The following TEX26 variants were observed in gnomAD, a reference collection of about 807,000 sequenced individuals.
TEX26 encodes testis-expressed protein 26.
TEX26 carries 34 observed loss-of-function variants against 35.3 expected under a neutral mutation model. That is an observed-to-expected ratio of 0.96 (90% CI 0.73 to 1.28). The LOEUF (loss-of-function observed/expected upper bound fraction) is 1.28. TEX26 is among the 50% of genes most tolerant of loss of function. The pLI is 0.00. For missense variants in TEX26, 371 were observed against 330.1 expected (o/e 1.12, Z -0.96); for synonymous variants, 136 against 111.8 (o/e 1.22, Z -1.36).
chr13:30,946,754 A>T (rs543363674), intron 2 of TEX26, among the ~76,000 whole-genome samples: 1 of 152,020 alleles, frequency 6.6e-6, no homozygotes, highest in Non-Finnish European at 1.5e-5. Context: ...TGGCTTTGTC[A>T]AATGTCAACA....
intron 2 of TEX26, among the ~76,000 whole-genome samples, chr13:30,941,429 A>C (rs1342677402): frequency 6.6e-6 from 1 of 152,226 alleles, no homozygotes; most frequent in Non-Finnish European, 1.5e-5. Flanking sequence ...TAGGGAGTCT[A>C]GGTCAGTGAT....
At chr13:30,934,647 A>G (rs1056328922) in intron 1 of TEX26, among the ~76,000 whole-genome samples, 3 of 152,188 alleles carry the variant, frequency 2.0e-5, no homozygotes, top group African/African-American at 7.2e-5. Context: ...TGCTGCCATC[A>G]TGCTGGCTGC....
intron 4 of TEX26, 33 bp downstream of exon 4, chr13:30,957,062 T>G: frequency 6.2e-7 from 1 of 1,601,550 alleles, no homozygotes; most frequent in Non-Finnish European, 8.5e-7. Context: ...TTTTCCTGGG[T>G]CATGTGGTAG....
At chr13:30,974,151 T>C (rs1190281134) in intron 6 of TEX26, among the ~76,000 whole-genome samples, 2 of 141,472 alleles carry the variant, frequency 1.4e-5, no homozygotes, top group African/African-American at 5.2e-5. Context: ...TATATATATA[T>C]ATATAATTAG....
chr13:30,970,140 T>G (rs1359496788), intron 6 of TEX26, among the ~76,000 whole-genome samples: 1 of 150,868 alleles, frequency 6.6e-6, no homozygotes, highest in Non-Finnish European at 1.5e-5. Context: ...CCTACTGTAG[T>G]CAAGGCTGAC....
At chr13:30,945,104 AT>A (rs1953654813) in intron 2 of TEX26, among the ~76,000 whole-genome samples, 1 of 151,758 alleles carries the variant, frequency 6.6e-6, no homozygotes, top group Non-Finnish European at 1.5e-5. Context: ...AGTAGTAAAT[AT>A]TTTATGAATC....
In TEX26 at chr13:30,967,267, C is replaced by T. The variant is rs116917911; in HGVS notation, c.646+869C>T. On this transcript the variant is annotated intron_variant, in intron 5 of 6. Transcript: ENST00000380473. ...TGAGACAATAATCACAGAATTGATGCTTAGCACCTTGGGGTTAGAAGGTGG... is the reference window on the plus strand; with the variant it reads ...TGAGACAATAATCACAGAATTGATGTTTAGCACCTTGGGGTTAGAAGGTGG... Among the ~76,000 whole-genome samples, 131 of 152,284 alleles carry T rather than the reference C, an allele frequency of 8.6e-4. 1 individual carries two copies. In the East Asian group the frequency reaches 0.024, roughly 28 times the overall value.
chr13:30,975,134 A>C lies in TEX26; in HGVS notation c.*227A>C. 1 of 325,052 alleles carries C rather than the reference A, an allele frequency of 3.1e-6. No homozygotes were observed. The highest frequency in any genetic ancestry group is 5.6e-6 in the Non-Finnish European group (1 of 180,022). The allele number at this position is 325,052 out of a possible 1,614,324, so 20.1% of individuals were successfully genotyped here. ...TTAGCTGTATCCAATAGTTTTTGAT[A>C]CAATGTTTTTTTCTTTTCCCTTTTG... On this transcript the variant is annotated 3_prime_UTR_variant, in exon 7 of 7. Coordinates refer to ENST00000380473, the MANE Select transcript of TEX26 (RefSeq NM_152325.3).
intron 4 of TEX26, among the ~76,000 whole-genome samples, chr13:30,961,317 G>T (rs962639853): frequency 6.6e-6 from 1 of 152,162 alleles, no homozygotes; most frequent in African/African-American, 2.4e-5. Flanking sequence ...AAGGTGATCC[G>T]GGAAGCCACT....
chr13:30,947,915 G>T (rs1037009311), intron 2 of TEX26, among the ~76,000 whole-genome samples: 3 of 151,784 alleles, frequency 2.0e-5, no homozygotes, highest in Admixed American at 6.6e-5. Flanking sequence ...ACTGTCCCTG[G>T]TGTGTGATGT....
chr13:30,937,296 T>A (rs1298980563), intron 1 of TEX26, among the ~76,000 whole-genome samples: 1 of 152,216 alleles, frequency 6.6e-6, no homozygotes, highest in East Asian at 1.9e-4. Flanking sequence ...GGGCGTGTCG[T>A]GCTTGCCCAC....
At chr13:30,958,871 C>A (rs1954232689) in intron 4 of TEX26, among the ~76,000 whole-genome samples, 1 of 152,218 alleles carries the variant, frequency 6.6e-6, no homozygotes. Context: ...GTTCATTTCT[C>A]TGCTTCCCTT....
chr13:30,955,970 G>T (rs2138270164), intron 3 of TEX26, among the ~76,000 whole-genome samples: 1 of 152,246 alleles, frequency 6.6e-6, no homozygotes, highest in East Asian at 1.9e-4. Flanking sequence ...GATGGCAAGA[G>T]GGGGTGAAGA....
intron 6 of TEX26, among the ~76,000 whole-genome samples, chr13:30,971,205 T>C (rs1182217358): frequency 6.6e-6 from 1 of 152,214 alleles, no homozygotes; most frequent in Non-Finnish European, 1.5e-5. Flanking sequence ...CCAAAACCTC[T>C]TGTCATTTTC....
chr13:30,968,747 T>C, intron 5 of TEX26, 138 bp from the exon 6 acceptor site: 1 of 739,430 alleles, frequency 1.4e-6, no homozygotes, highest in Non-Finnish European at 2.2e-6. Flanking sequence ...AGAGCCTTAA[T>C]GTCCAGCATC....
At chr13:30,938,813 A>G (rs910234099) in intron 1 of TEX26, among the ~76,000 whole-genome samples, 1 of 152,098 alleles carries the variant, frequency 6.6e-6, no homozygotes, top group South Asian at 2.1e-4. Context: ...CCTCTCTAAC[A>G]GTTCTTTTCA....
chr13:30,968,525 G>A (rs979051910), intron 5 of TEX26, among the ~76,000 whole-genome samples: 10 of 152,156 alleles, frequency 6.6e-5, no homozygotes, highest in East Asian at 1.9e-4. Context: ...TATCAAAGAC[G>A]TGTAATTTGG....
chr13:30,969,033 T>A lies in TEX26; in HGVS notation c.795T>A (p.Ser265Arg). 4 of 1,613,252 alleles carry A rather than the reference T, an allele frequency of 2.5e-6. No homozygotes were observed. Among genetic ancestry groups the A allele is most frequent in the Non-Finnish European group, 3.4e-6 (4 of 1,179,614 alleles). The stretch of plus-strand genomic sequence containing the variant: ...CTCAAGTCAAAGAGTACCTTCAGAG[T>A]CTTTCCTACAAAGGTAAGATGAGGT... ...TSSQVKEYLQ[S>R]LSYKDRQIID... Residue 265 changes from serine to arginine, a missense_variant, in exon 6 of 7, where the codon AGT becomes AGA. By Grantham distance (110) the Ser-to-Arg change is moderately radical (BLOSUM62 -1). Transcript: ENST00000380473.
rs1953442347 is a variant in TEX26 at position 30,940,387 on chromosome 13, G to T, written c.146+609G>T. On this transcript the variant is annotated intron_variant, in intron 2 of 6. Transcript: ENST00000380473. Reference sequence around the variant, plus strand: ...CTCGCTCTGTCGCCCAGGCTGGAGTGCAGTGGTACGATCTCGGCTCACTGC... The same window carrying T: ...CTCGCTCTGTCGCCCAGGCTGGAGTTCAGTGGTACGATCTCGGCTCACTGC... Among the ~76,000 whole-genome samples the T allele has an allele frequency of 7.5e-5, 10 of 134,166 alleles. No individual in the cohort carries two copies. In the South Asian group the frequency reaches 2.5e-3, roughly 33 times the overall value. 88.0% of individuals were successfully genotyped at this position (134,166 alleles called of 152,430 possible).
Sources: allele counts gnomAD v4.1 joint callset (sites outside exome capture counted in the v4.1 genomes callset), GRCh38; gene constraint gnomAD v4.1.1; transcripts MANE v1.5; gene names NCBI Gene and HGNC (gene_info 2026-07-23, HGNC 2026-07-21).